The following GABRP variants were observed in gnomAD, a reference collection of about 807,000 sequenced individuals.
GABRP encodes gamma-aminobutyric acid receptor subunit pi.
Under a neutral mutation model 47.8 loss-of-function variants are expected in GABRP, and 52 were observed. The observed-to-expected ratio is 1.09, with a 90% CI of 0.87 to 1.37. The LOEUF (loss-of-function observed/expected upper bound fraction) is 1.37, where lower values mean the gene tolerates loss of function less well. Among genes scored for constraint, GABRP ranks in the 40% most tolerant of loss-of-function variants. GABRP has a pLI of 0.00. For synonymous variants in GABRP, 221 were observed against 205.8 expected, an observed-to-expected ratio of 1.07 and a Z score of -0.63; for missense variants, 525 against 542.8, an observed-to-expected ratio of 0.97 and a Z score of 0.33.
intron 4 of GABRP, 117 bp downstream of exon 4, chr5:170,794,415 C>T (rs997914027): frequency 1.5e-5 from 8 of 542,964 alleles, no homozygotes; most frequent in Non-Finnish European, 1.6e-5. Flanking sequence ...CATGGCCCTC[C>T]TCCATTTGGA....
Position 170,812,109 on chromosome 5 carries a change from A to T in GABRP, c.1174A>T (p.Lys392Ter). The T allele has an allele frequency of 6.2e-7, 1 of 1,614,182 alleles. No individual in the cohort carries two copies. Among genetic ancestry groups the T allele is most frequent in the Non-Finnish European group, 8.5e-7 (1 of 1,180,024 alleles). Residue 392 changes from lysine (K) to a stop codon, truncating the protein, a stop_gained, in exon 10 of 10, where the codon AAG becomes TAG. Coordinates refer to ENST00000265294, the MANE Select transcript of GABRP (RefSeq NM_014211.3). LOFTEE classifies it high-confidence loss of function. ...GACAATGAAAACCAGCGACAAGTTC[A>T]AGTTTGTCTTCCGAGAAAAGATGGG... ...DLTMKTSDKFKFVFREKMGRI... is the reference protein window; with the variant it reads ...DLTMKTSDKF
Position 170,805,728 on chromosome 5 carries a change from G to A in GABRP, c.554G>A (p.Gly185Glu), listed in dbSNP as rs1765715470. ...TTTTATTTGCCAGGGGGCTATGATG[G>A]AAATGATGTGGAGTTCACCTGGCTG... ...KLQLESWGYD[G>E]NDVEFTWLRG... Residue 185 changes from glycine to glutamate, a missense_variant, in exon 7 of 10, where the codon GGA becomes GAA. Coordinates refer to ENST00000265294, the MANE Select transcript of GABRP (RefSeq NM_014211.3). 4 of 1,614,182 alleles carry A rather than the reference G, an allele frequency of 2.5e-6. No homozygotes were observed. Among genetic ancestry groups the A allele is most frequent in the Non-Finnish European group, 3.4e-6 (4 of 1,180,008 alleles).
At chr5:170,793,294 A>T (rs939851029) in intron 3 of GABRP, among the ~76,000 whole-genome samples, 5 of 152,210 alleles carry the variant, frequency 3.3e-5, no homozygotes, top group Non-Finnish European at 5.9e-5. Context: ...CAGAGCTGGG[A>T]TCTAGGTCCA....
chr5:170,791,281 C>A (rs1449012754), intron 3 of GABRP, among the ~76,000 whole-genome samples: 1 of 152,238 alleles, frequency 6.6e-6, no homozygotes, highest in Non-Finnish European at 1.5e-5. Flanking sequence ...GGGAAAAGCA[C>A]AACCCCATAC....
intron 5 of GABRP, among the ~76,000 whole-genome samples, chr5:170,796,358 C>A (rs1164037107): frequency 6.6e-6 from 1 of 152,128 alleles, no homozygotes; most frequent in Non-Finnish European, 1.5e-5. Context: ...GTTCCCACAG[C>A]AATGTGTGAA....
At chr5:170,797,204 T>C (rs1765454821) in intron 5 of GABRP, among the ~76,000 whole-genome samples, 1 of 152,212 alleles carries the variant, frequency 6.6e-6, no homozygotes, top group African/African-American at 2.4e-5. Context: ...AATGCATCTG[T>C]CTGTTCTGTG....
intron 5 of GABRP, 117 bp from the exon 6 acceptor site, chr5:170,797,349 G>A: frequency 1.4e-6 from 1 of 699,222 alleles, no homozygotes; most frequent in Non-Finnish European, 2.6e-6. Flanking sequence ...CAGACTCCAA[G>A]CTACATGTTC....
chr5:170,803,742 G>GTGGTTGGT (rs3079467), intron 6 of GABRP, among the ~76,000 whole-genome samples: 5,668 of 148,070 alleles, frequency 0.038, 134 homozygotes, highest in East Asian at 0.066. Flanking sequence ...CATGCACTAT[G>GTGGTTGGT]TGGTTGGTTG....
At chr5:170,797,848 G>T (rs1765472641) in intron 6 of GABRP, among the ~76,000 whole-genome samples, 1 of 152,194 alleles carries the variant, frequency 6.6e-6, no homozygotes, top group Non-Finnish European at 1.5e-5. Flanking sequence ...GCAAACAACG[G>T]CTGGTGTGCC....
chr5:170,783,471 C>A (rs147171973), upstream of GABRP, among the ~76,000 whole-genome samples: 586 of 152,270 alleles, frequency 3.8e-3, 2 homozygotes, highest in Non-Finnish European at 6.1e-3. Flanking sequence ...CTTTATCTGA[C>A]TCTCATGGGT....
intron 9 of GABRP, 90 bp from the exon 10 acceptor site, chr5:170,811,866 T>C: frequency 1.7e-6 from 2 of 1,181,512 alleles, no homozygotes; most frequent in Non-Finnish European, 2.4e-6. Context: ...ATTCAACACT[T>C]AGGCCTCTAA....
upstream of GABRP, among the ~76,000 whole-genome samples, chr5:170,783,095 G>T (rs940107506): frequency 6.6e-5 from 10 of 152,156 alleles, no homozygotes; most frequent in African/African-American, 2.2e-4. Flanking sequence ...GAGCAGGATG[G>T]GGGAAGGTGG....
At chr5:170,807,518 T>C (rs1257945981) in intron 7 of GABRP, among the ~76,000 whole-genome samples, 2 of 152,164 alleles carry the variant, frequency 1.3e-5, no homozygotes, top group South Asian at 2.1e-4. Flanking sequence ...TTTTAAAACA[T>C]TGACTTTCAA....
At chr5:170,796,711 G>A (rs560591264) in intron 5 of GABRP, among the ~76,000 whole-genome samples, 2 of 152,330 alleles carry the variant, frequency 1.3e-5, no homozygotes, top group African/African-American at 4.8e-5. Context: ...CATAGCTATT[G>A]TTAGTCTCTG....
At chr5:170,794,411 C>T in intron 4 of GABRP, 113 bp downstream of exon 4, 1 of 564,912 alleles carries the variant, frequency 1.8e-6, no homozygotes, top group African/African-American at 1.9e-5. Context: ...GGCTCATGGC[C>T]CTCCTCCATT....
rs1162211785 is a variant in GABRP, at chr5:170,813,089, C to G, written c.*831C>G. ...ATGGAAGATTTTTTTTTAACTTGTT[C>G]TAGAAGTCTTAATATGGGCTGTTGC... On this transcript the variant is annotated 3_prime_UTR_variant, in exon 10 of 10. Transcript: ENST00000265294. 3 of 152,096 alleles carry G rather than the reference C, an allele frequency of 2.0e-5. No homozygotes were observed. Among genetic ancestry groups the G allele is most frequent in the African/African-American group, 7.2e-5 (3 of 41,428 alleles). The allele number at this position is 152,096 out of a possible 1,614,324, so 9.4% of individuals were successfully genotyped here. A position where few individuals can be genotyped will look rare whatever the true frequency, so the allele number is the denominator to read the frequency against.
rs1200342567 is a variant in GABRP, at chr5:170,807,047, T to C, written c.679+1194T>C. Reference sequence around the variant, plus strand: ...CACGGCAAAATTCACCTCCTGGGCTTGGGTGATCCTCCCACCTCAGTCTCA... The same window carrying C: ...CACGGCAAAATTCACCTCCTGGGCTCGGGTGATCCTCCCACCTCAGTCTCA... On this transcript the variant is annotated intron_variant, in intron 7 of 9. Transcript: ENST00000265294. 4.6e-5 allele frequency among the ~76,000 whole-genome samples: 7 copies of C among 152,080 alleles called. No individual in the cohort carries two copies. The East Asian group carries it at 1.3e-3, about 29-fold the overall frequency.
At chr5:170,798,087 G>T (rs1765481535) in intron 6 of GABRP, among the ~76,000 whole-genome samples, 2 of 152,208 alleles carry the variant, frequency 1.3e-5, no homozygotes, top group Non-Finnish European at 2.9e-5. Flanking sequence ...TGTCGCCCAA[G>T]CTGGACTGTG....
chr5:170,787,592 C>A (rs1048048675), intron 1 of GABRP, among the ~76,000 whole-genome samples: 2 of 151,850 alleles, frequency 1.3e-5, no homozygotes, highest in African/African-American at 4.8e-5. Context: ...CAGGCCCCAG[C>A]CTGCTCTGAA....
Sources: gnomAD v4.1 joint callset for allele counts (sites outside exome capture counted in the v4.1 genomes callset) on GRCh38, gnomAD v4.1.1 for gene constraint, MANE v1.5 for transcripts, NCBI Gene and HGNC (gene_info 2026-07-23, HGNC 2026-07-21) for gene names.